Variants in CHD9 observed in about 807,000 individuals in gnomAD.
CHD9 encodes chromodomain helicase DNA binding protein 9.
Under a neutral mutation model 316.1 loss-of-function variants are expected in CHD9, and 77 were observed. That is an observed-to-expected ratio of 0.24 (90% CI 0.20 to 0.29). The LOEUF is 0.29. Ranked by LOEUF, CHD9 falls within the 10% of genes least tolerant of loss-of-function variation. The probability of loss-of-function intolerance (pLI) is 1.00; values close to 1 mark genes in which losing one functional copy is unlikely to be tolerated. For synonymous variants in CHD9, 1,129 were observed against 1,158.3 expected (o/e 0.97, Z 0.51); for missense variants, 2,763 against 3,438.1 (o/e 0.80, Z 4.91).
chr16:53,304,673 CTTTTCTTTTCTTTTCTTTTCTT>C lies in CHD9; in HGVS notation c.6619+53_6619+74del, dbSNP rs1259525428. On this transcript the variant is annotated intron_variant, in intron 31 of 38. Transcript: ENST00000447540. The stretch of plus-strand genomic sequence containing the variant: ...ACTTTTTTAACATAACTTTTCTTTT[CTTTTCTTTTCTTTTCTTTTCTT>C]TTTTTTTTTTTTTTTTGAGATGGAG... 4.4e-6 allele frequency: 5 copies of C among 1,144,190 alleles called. No individual in the cohort carries two copies. In the African/African-American group the frequency reaches 5.2e-5, roughly 12 times the overall value. The allele number at this position is 1,144,190 out of a possible 1,614,324, so 70.9% of individuals were successfully genotyped here.
chr16:53,237,752 G>A (rs1292388296), intron 11 of CHD9, among the ~76,000 whole-genome samples: 2 of 151,980 alleles, frequency 1.3e-5, no homozygotes, highest in African/African-American at 2.4e-5. Flanking sequence ...ATAATCATCT[G>A]TGAAGCTTAT....
At chr16:53,280,681 TAA>T (rs76357065) in intron 24 of CHD9, among the ~76,000 whole-genome samples, 1 of 136,682 alleles carries the variant, frequency 7.3e-6, no homozygotes, top group Non-Finnish European at 1.6e-5. Context: ...AAATACAATT[TAA>T]AAAAAAAAAA....
intron 1 of CHD9, among the ~76,000 whole-genome samples, chr16:53,080,538 T>C (rs1490857713): frequency 6.6e-6 from 1 of 152,186 alleles, no homozygotes; most frequent in Non-Finnish European, 1.5e-5. Context: ...TTTGAGTCAT[T>C]CGTGATGTGT....
At position 53,304,697 on chromosome 16, in the gene CHD9, T is replaced by TC. The variant is rs201695248; in HGVS notation, c.6619+72_6619+73insC. On this transcript the variant is annotated intron_variant, in intron 31 of 38. Coordinates refer to ENST00000447540, the MANE Select transcript of CHD9 (RefSeq NM_001308319.2). ...TCTTTTCTTTTCTTTTCTTTTCTTT[T>TC]TTTTTTTTTTTTTTGAGATGGAGTT... is the stretch of plus-strand genomic sequence containing the variant. 177 of 1,179,958 alleles carry TC rather than the reference T, an allele frequency of 1.5e-4. No homozygotes were observed. In the East Asian group the frequency reaches 2.7e-3, roughly 18 times the overall value. 73.1% of individuals were successfully genotyped at this position (1,179,958 alleles called of 1,614,324 possible).
intron 2 of CHD9, among the ~76,000 whole-genome samples, chr16:53,205,810 T>G (rs2045851464): frequency 6.6e-6 from 1 of 152,206 alleles, no homozygotes; most frequent in African/African-American, 2.4e-5. Flanking sequence ...GCATCTTACA[T>G]TCCAGCCCTG....
intron 1 of CHD9, among the ~76,000 whole-genome samples, chr16:53,150,968 G>A (rs572453600): frequency 5.9e-5 from 9 of 152,102 alleles, no homozygotes; most frequent in South Asian, 4.1e-4. Flanking sequence ...TATCCTCCGC[G>A]GAGTTTGGTG....
chr16:53,088,543 G>T (rs1037608638), intron 1 of CHD9, among the ~76,000 whole-genome samples: 1 of 151,850 alleles, frequency 6.6e-6, no homozygotes, highest in African/African-American at 2.4e-5. Context: ...CTCCCAAAGT[G>T]CTGGGATTAC....
intron 2 of CHD9, among the ~76,000 whole-genome samples, chr16:53,178,964 A>AT (rs1266316567): frequency 6.6e-6 from 1 of 152,084 alleles, no homozygotes; most frequent in Non-Finnish European, 1.5e-5. Context: ...GTGTGCTATG[A>AT]TCCTGCTTAT....
intron 20 of CHD9, among the ~76,000 whole-genome samples, chr16:53,264,500 GAGAA>G (rs1163331871): frequency 6.6e-6 from 1 of 152,146 alleles, no homozygotes; most frequent in African/African-American, 2.4e-5. Context: ...CTCCAAGACA[GAGAA>G]AGAGAGAGAT....
chr16:53,254,338 G>A (rs1482681455), intron 17 of CHD9, 100 bp from the exon 18 acceptor site: 10 of 760,396 alleles, frequency 1.3e-5, no homozygotes, highest in Non-Finnish European at 1.9e-5. Flanking sequence ...CAATAAAAAT[G>A]GTCTAAGAAT....
At chr16:53,100,652 G>C (rs967191986) in intron 1 of CHD9, among the ~76,000 whole-genome samples, 5 of 152,126 alleles carry the variant, frequency 3.3e-5, no homozygotes, top group Admixed American at 1.3e-4. Context: ...TAGGGATGGA[G>C]TCTCACCATG....
At chr16:53,312,876 C>G (rs1238617763) in intron 34 of CHD9, among the ~76,000 whole-genome samples, 1 of 152,168 alleles carries the variant, frequency 6.6e-6, no homozygotes, top group Non-Finnish European at 1.5e-5. Flanking sequence ...TCAGTAAATT[C>G]TCCTTGAATG....
chr16:53,185,046 T>C (rs1681126880), intron 2 of CHD9, among the ~76,000 whole-genome samples: 2 of 152,190 alleles, frequency 1.3e-5, no homozygotes, highest in South Asian at 2.1e-4. Flanking sequence ...GGAAGTTCTT[T>C]ATAGCAATGT....
At chr16:53,179,922 C>T (rs1272299966) in intron 2 of CHD9, among the ~76,000 whole-genome samples, 1 of 151,440 alleles carries the variant, frequency 6.6e-6, no homozygotes, top group East Asian at 1.9e-4. Context: ...AGTAATTAAG[C>T]ATGGCATACA....
At chr16:53,111,343 G>A (rs1418034354) in intron 1 of CHD9, among the ~76,000 whole-genome samples, 2 of 152,030 alleles carry the variant, frequency 1.3e-5, no homozygotes, top group Non-Finnish European at 2.9e-5. Flanking sequence ...TTTCTCTTTG[G>A]GGTTTCCACT....
chr16:53,080,388 G>A (rs1177084161), intron 1 of CHD9, among the ~76,000 whole-genome samples: 1 of 152,180 alleles, frequency 6.6e-6, no homozygotes, highest in Non-Finnish European at 1.5e-5. Context: ...TATTACAGTT[G>A]CTCAAGAAAT....
At chr16:53,105,154 T>C (rs1157808959) in intron 1 of CHD9, among the ~76,000 whole-genome samples, 3 of 152,140 alleles carry the variant, frequency 2.0e-5, no homozygotes, top group Admixed American at 6.6e-5. Context: ...CTTTAAAATA[T>C]TAAGTTTATT....
chr16:53,250,436 G>T (rs1234699293), intron 17 of CHD9: 1 of 176,680 alleles, frequency 5.7e-6, no homozygotes, highest in African/African-American at 2.4e-5. Context: ...AAAGTGCTGG[G>T]TTTACAGGCA....
At chr16:53,229,460 T>TA (rs2047977088) in intron 8 of CHD9, among the ~76,000 whole-genome samples, 1 of 152,182 alleles carries the variant, frequency 6.6e-6, no homozygotes, top group Admixed American at 6.5e-5. Flanking sequence ...GTACATGAAA[T>TA]ATATTGCATA....
Sources: allele counts gnomAD v4.1 joint callset (sites outside exome capture counted in the v4.1 genomes callset), GRCh38; gene constraint gnomAD v4.1.1; transcripts MANE v1.5; gene names NCBI Gene and HGNC (gene_info 2026-07-23, HGNC 2026-07-21).